Variants in SLC14A2 observed in about 807,000 individuals in gnomAD.
SLC14A2 encodes the protein solute carrier family 14 member 2.
In SLC14A2, 91 loss-of-function variants were observed where a neutral mutation model predicts 104.6. The observed-to-expected ratio is 0.87, with a 90% CI of 0.73 to 1.04. SLC14A2 has a LOEUF of 1.04. SLC14A2 is among the 50% of genes least tolerant of loss of function. SLC14A2 has a pLI of 0.00. For missense variants in SLC14A2, 1,189 were observed against 1,156.0 expected (o/e 1.03, Z -0.41); for synonymous variants, 476 against 466.4 (o/e 1.02, Z -0.27).
chr18:45,253,519 C>CAAAA (rs796286941), intron 1 of SLC14A2, among the ~76,000 whole-genome samples: 1 of 130,844 alleles, frequency 7.6e-6, no homozygotes, highest in African/African-American at 2.8e-5. Context: ...CAAATGACTG[C>CAAAA]AAAAAAAAAA....
chr18:45,662,996 C>T (rs1212510202), intron 10 of SLC14A2, among the ~76,000 whole-genome samples: 1 of 152,222 alleles, frequency 6.6e-6, no homozygotes, highest in African/African-American at 2.4e-5. Flanking sequence ...GATAAGAGTG[C>T]TCTGCTCTCC....
At chr18:45,470,214 T>C (rs1212260213) in intron 1 of SLC14A2, among the ~76,000 whole-genome samples, 3 of 152,226 alleles carry the variant, frequency 2.0e-5, no homozygotes, top group Admixed American at 6.5e-5. Context: ...TTGTGTCATT[T>C]ACTGTTTTGA....
chr18:45,440,074 A>G (rs2086658964), intron 1 of SLC14A2, among the ~76,000 whole-genome samples: 1 of 152,164 alleles, frequency 6.6e-6, no homozygotes, highest in South Asian at 2.1e-4. Context: ...AGCTAAAAAG[A>G]GGCCTGTGTA....
intron 1 of SLC14A2, among the ~76,000 whole-genome samples, chr18:45,385,830 T>C (rs2085889562): frequency 6.6e-6 from 1 of 151,700 alleles, no homozygotes; most frequent in Admixed American, 6.6e-5. Flanking sequence ...ATTCCAGGGG[T>C]TATATAGAAA....
chr18:45,207,450 G>T, the SLC14A2 span, among the ~76,000 whole-genome samples: 1 of 151,732 alleles, frequency 6.6e-6, no homozygotes, highest in African/African-American at 2.4e-5. Context: ...AAGCGTAGGG[G>T]ATGGAAGAGG....
chr18:45,594,000 G>A (rs1456998147), intron 2 of SLC14A2, among the ~76,000 whole-genome samples: 1 of 152,170 alleles, frequency 6.6e-6, no homozygotes, highest in Non-Finnish European at 1.5e-5. Context: ...GAGGCCAGTG[G>A]GTAACCCAAA....
At chr18:45,395,807 A>G (rs1489738328) in intron 1 of SLC14A2, among the ~76,000 whole-genome samples, 4 of 152,124 alleles carry the variant, frequency 2.6e-5, no homozygotes, top group Non-Finnish European at 4.4e-5. Context: ...GGCCACCTCA[A>G]CAACAGGTCA....
chr18:45,560,399 G>A (rs2044185716), intron 2 of SLC14A2, among the ~76,000 whole-genome samples: 1 of 152,030 alleles, frequency 6.6e-6, no homozygotes, highest in Non-Finnish European at 1.5e-5. Flanking sequence ...CTTTCCCACT[G>A]CCACCTCCTT....
intron 1 of SLC14A2, among the ~76,000 whole-genome samples, chr18:45,220,889 G>T (rs899120399): frequency 1.3e-5 from 2 of 152,166 alleles, no homozygotes; most frequent in Non-Finnish European, 2.9e-5. Context: ...TTTACAGAGG[G>T]CTACCTCCTC....
the SLC14A2 span, among the ~76,000 whole-genome samples, chr18:45,203,194 T>C: frequency 6.6e-6 from 1 of 151,758 alleles, no homozygotes; most frequent in Non-Finnish European, 1.5e-5. Flanking sequence ...GACTAAGGAG[T>C]GGGGAAGGAC....
At chr18:45,490,963 G>A (rs900387483) in intron 2 of SLC14A2, among the ~76,000 whole-genome samples, 1 of 152,186 alleles carries the variant, frequency 6.6e-6, no homozygotes, top group African/African-American at 2.4e-5. Context: ...GAAAGGTTCA[G>A]CAATGCCAAG....
chr18:45,540,369 C>G (rs1035633315), intron 2 of SLC14A2, among the ~76,000 whole-genome samples: 1 of 152,176 alleles, frequency 6.6e-6, no homozygotes, highest in African/African-American at 2.4e-5. Flanking sequence ...TGCTGCTGAG[C>G]CTTACTCCAA....
At chr18:45,420,218 A>C (rs1371996705) in intron 1 of SLC14A2, among the ~76,000 whole-genome samples, 1 of 152,158 alleles carries the variant, frequency 6.6e-6, no homozygotes, top group East Asian at 1.9e-4. Flanking sequence ...GAATCTCTCC[A>C]CAGGGTTGCT....
intron 1 of SLC14A2, among the ~76,000 whole-genome samples, chr18:45,259,892 G>T (rs1341180384): frequency 6.6e-6 from 1 of 152,150 alleles, no homozygotes; most frequent in Non-Finnish European, 1.5e-5. Context: ...AAAAATAACG[G>T]TAGAGCACAA....
intron 2 of SLC14A2, among the ~76,000 whole-genome samples, chr18:45,509,985 C>T (rs1274373347): frequency 1.3e-5 from 2 of 152,092 alleles, no homozygotes; most frequent in Admixed American, 6.6e-5. Context: ...GAGGGGTTGC[C>T]CATAATCCTA....
At chr18:45,304,803 G>C (rs932978270) in intron 1 of SLC14A2, among the ~76,000 whole-genome samples, 9 of 152,200 alleles carry the variant, frequency 5.9e-5, no homozygotes, top group Non-Finnish European at 1.3e-4. Context: ...TCAACAGCTG[G>C]AAAAGAGGAC....
the SLC14A2 span, chr18:45,181,105 A>G: frequency 6.6e-6 from 1 of 152,544 alleles, no homozygotes; most frequent in Non-Finnish European, 1.5e-5. Flanking sequence ...ACTGCAGGCC[A>G]TCACTGTGTC....
chr18:45,331,400 A>G (rs1364769140), intron 1 of SLC14A2, among the ~76,000 whole-genome samples: 1 of 152,206 alleles, frequency 6.6e-6, no homozygotes, highest in African/African-American at 2.4e-5. Flanking sequence ...TTTAAAAAAT[A>G]TTTAATCCTG....
chr18:45,374,807 C>T (rs1249708502), intron 1 of SLC14A2, among the ~76,000 whole-genome samples: 1 of 152,152 alleles, frequency 6.6e-6, no homozygotes, highest in Non-Finnish European at 1.5e-5. Flanking sequence ...CCTAGGGAAC[C>T]AAATTCTAGG....
Sources: allele counts gnomAD v4.1 joint callset (sites outside exome capture counted in the v4.1 genomes callset), GRCh38; gene constraint gnomAD v4.1.1; transcripts MANE v1.5; gene names NCBI Gene and HGNC (gene_info 2026-07-23, HGNC 2026-07-21).